The following GLI3 variants were observed in gnomAD, a reference collection of about 807,000 sequenced individuals.
GLI3 encodes GLI family zinc finger 3, also known as transcription activator GLI3.
A neutral mutation model predicts 100.8 loss-of-function variants in GLI3; 20 were observed. That is an observed-to-expected ratio of 0.20 (90% confidence interval 0.14 to 0.29). GLI3 has a LOEUF of 0.29. Ranked by LOEUF, GLI3 falls within the 10% of genes least tolerant of loss-of-function variation. The probability of loss-of-function intolerance (pLI) is 1.00; values close to 1 mark genes in which losing one functional copy is unlikely to be tolerated. For synonymous variants in GLI3, 938 were observed against 860.5 expected (o/e 1.09, Z -1.58); for missense variants, 2,040 against 2,128.5 (o/e 0.96, Z 0.82).
At chr7:42,202,080 CAAAAA>C (rs35682171) in intron 2 of GLI3, among the ~76,000 whole-genome samples, 1 of 92,202 alleles carries the variant, frequency 1.1e-5, no homozygotes, top group African/African-American at 4.2e-5. Context: ...GACTCCGTCT[CAAAAA>C]AAAAAAAAAA....
chr7:42,012,138 C>T (rs534492782), intron 10 of GLI3, among the ~76,000 whole-genome samples: 5 of 152,040 alleles, frequency 3.3e-5, no homozygotes, highest in Non-Finnish European at 7.4e-5. Context: ...GATGCATGGC[C>T]GAGGATCTAA....
chr7:42,108,891 C>G (rs1337972404), intron 3 of GLI3, among the ~76,000 whole-genome samples: 1 of 152,022 alleles, frequency 6.6e-6, no homozygotes, highest in East Asian at 1.9e-4. Flanking sequence ...CGTCCCCATC[C>G]CACCCTCCAC....
chr7:41,974,872 C>A (rs1228695873), intron 12 of GLI3, among the ~76,000 whole-genome samples: 1 of 152,234 alleles, frequency 6.6e-6, no homozygotes, highest in Non-Finnish European at 1.5e-5. Flanking sequence ...AGAACCACTT[C>A]ATGCACCTAA....
At chr7:42,230,706 T>C (rs1255997394) in intron 1 of GLI3, among the ~76,000 whole-genome samples, 1 of 152,232 alleles carries the variant, frequency 6.6e-6, no homozygotes, top group African/African-American at 2.4e-5. Context: ...CTCCATCTAA[T>C]ACTTGTTACC....
At chr7:42,106,200 C>T (rs3801178) in intron 3 of GLI3, among the ~76,000 whole-genome samples, 46,110 of 152,102 alleles carry the variant, frequency 0.3, 7,150 homozygotes, top group Middle Eastern at 0.4. Flanking sequence ...ATGCAGCCCG[C>T]AGTTTCCATG....
At chr7:42,182,666 A>ATATATATATATACATGTGTG (rs1787630669) in intron 2 of GLI3, among the ~76,000 whole-genome samples, 1 of 79,162 alleles carries the variant, frequency 1.3e-5, no homozygotes, top group African/African-American at 5.6e-5. Flanking sequence ...ATATATATAT[A>ATATATATATATACATGTGTG]TATATATATA....
At chr7:42,052,513 T>C (rs1252504858) in intron 4 of GLI3, among the ~76,000 whole-genome samples, 1 of 152,192 alleles carries the variant, frequency 6.6e-6, no homozygotes, top group African/African-American at 2.4e-5. Flanking sequence ...CACTCAAGCA[T>C]CAGTTTCCTT....
rs568463260 is a variant in GLI3, at chr7:42,030,479, C to A, written c.1029-4067G>T. Among the ~76,000 whole-genome samples, 49 of 152,316 alleles carry A rather than the reference C, an allele frequency of 3.2e-4. 1 individual carries two copies. In the South Asian group the frequency reaches 0.01, roughly 32 times the overall value. On this transcript the variant is annotated intron_variant, in intron 7 of 14. Coordinates refer to ENST00000395925, the MANE Select transcript of GLI3 (RefSeq NM_000168.6). ...TGAAAACTACAATTTGACAACATGT[C>A]TGTAAAGCAGTATTACACAAACGAA...
chr7:42,256,420 AGATTT>A (rs1789085383), intron 1 of GLI3, among the ~76,000 whole-genome samples: 1 of 152,074 alleles, frequency 6.6e-6, no homozygotes, highest in African/African-American at 2.4e-5. Context: ...TTTAGCTCTT[AGATTT>A]AAGTTTATAA....
chr7:42,210,612 A>T (rs577436000), intron 2 of GLI3, among the ~76,000 whole-genome samples: 126 of 152,012 alleles, frequency 8.3e-4, no homozygotes, highest in African/African-American at 3.0e-3. Flanking sequence ...TCTACCCCTA[A>T]CTCGCAACTC....
chr7:42,062,725 A>G (rs1784596507), intron 4 of GLI3, among the ~76,000 whole-genome samples: 1 of 151,888 alleles, frequency 6.6e-6, no homozygotes. Context: ...ACACACACAC[A>G]CACACACACA....
chr7:42,227,139 A>G (rs562276292), intron 1 of GLI3, among the ~76,000 whole-genome samples: 1 of 152,336 alleles, frequency 6.6e-6, no homozygotes, highest in African/African-American at 2.4e-5. Flanking sequence ...TGTTTTTCAG[A>G]TGTGAATGAA....
chr7:41,968,985 A>C (rs977712472), intron 13 of GLI3, among the ~76,000 whole-genome samples: 1 of 152,180 alleles, frequency 6.6e-6, no homozygotes, highest in Non-Finnish European at 1.5e-5. Flanking sequence ...TCAATCAGGG[A>C]AAGTACTGCC....
rs117942464 is a variant in GLI3 at position 42,078,383 on chromosome 7, C to T, written c.368-1526G>A. 4.7e-4 allele frequency among the ~76,000 whole-genome samples: 72 copies of T among 152,238 alleles called. No individual in the cohort carries two copies. The East Asian group carries it at 0.013, about 28-fold the overall frequency. ...CCCTGCTGCCTTCAAGAATATAAGACTCTGTTTATGAAGAAAAAAATCCAG... is the reference window on the plus strand; with the variant it reads ...CCCTGCTGCCTTCAAGAATATAAGATTCTGTTTATGAAGAAAAAAATCCAG... On this transcript the variant is annotated intron_variant, in intron 3 of 14. Coordinates refer to ENST00000395925, the MANE Select transcript of GLI3 (RefSeq NM_000168.6).
At chr7:42,084,408 C>T (rs531416592) in intron 3 of GLI3, among the ~76,000 whole-genome samples, 1 of 152,330 alleles carries the variant, frequency 6.6e-6, no homozygotes, top group Admixed American at 6.5e-5. Flanking sequence ...CTTCTTCTGT[C>T]CGTAAGTCTG....
chr7:41,968,709 GAAAGAAGA>G lies in GLI3; in HGVS notation c.2104-794_2104-787del, dbSNP rs773631397. Among the ~76,000 whole-genome samples the G allele has an allele frequency of 3.8e-3, 450 of 119,326 alleles. 5 individuals carry two copies. The highest frequency in any genetic ancestry group is 8.3e-3 in the South Asian group (30 of 3,622). The allele number at this position is 119,326 out of a possible 152,430, so 78.3% of individuals were successfully genotyped here. ...AAGAAGAAAGAAAGAAAGAAAGAAAGAAAGAAGAAAGAAAGAAAGAAAGAAAGAAAGAA... is the reference window on the plus strand; with the variant it reads ...AAGAAGAAAGAAAGAAAGAAAGAAAGAAGAAAGAAAGAAAGAAAGAAAGAA... On this transcript the variant is annotated intron_variant, in intron 13 of 14. Transcript: ENST00000395925.
intron 3 of GLI3, among the ~76,000 whole-genome samples, chr7:42,146,409 A>G (rs1786710663): frequency 6.6e-6 from 1 of 152,204 alleles, no homozygotes; most frequent in African/African-American, 2.4e-5. Flanking sequence ...GGAAGATTCA[A>G]TGGGGGAAAC....
Position 42,200,723 on chromosome 7 carries a change from C to T in GLI3, c.124+22407G>A, listed in dbSNP as rs550659049. On this transcript the variant is annotated intron_variant, in intron 2 of 14. Coordinates refer to ENST00000395925, the MANE Select transcript of GLI3 (RefSeq NM_000168.6). The stretch of plus-strand genomic sequence containing the variant: ...TGAGAAGGAAGGTCAGGCTTCAAGT[C>T]TTATCCTAGCTCCCTCACGACTTCT... Among the ~76,000 whole-genome samples the T allele has an allele frequency of 2.6e-5, 4 of 152,168 alleles. No homozygotes were observed. The East Asian group carries it at 7.7e-4, about 29-fold the overall frequency.
upstream of GLI3, among the ~76,000 whole-genome samples, chr7:42,237,351 G>C (rs1788830124): frequency 6.6e-6 from 1 of 152,048 alleles, no homozygotes; most frequent in Non-Finnish European, 1.5e-5. Context: ...CCGCGGGAGG[G>C]AGGGGAAAGA....
Sources: gnomAD v4.1 joint callset for allele counts (sites outside exome capture counted in the v4.1 genomes callset) on GRCh38, gnomAD v4.1.1 for gene constraint, MANE v1.5 for transcripts, NCBI Gene and HGNC (gene_info 2026-07-23, HGNC 2026-07-21) for gene names.